The following PTPN9 variants were observed in gnomAD, a reference collection of about 807,000 sequenced individuals.
PTPN9 encodes tyrosine-protein phosphatase non-receptor type 9.
Under a neutral mutation model 69.8 loss-of-function variants are expected in PTPN9, and 26 were observed. That is an observed-to-expected ratio of 0.37 (90% CI 0.27 to 0.52). The LOEUF (loss-of-function observed/expected upper bound fraction) is 0.52. Among genes scored for constraint, PTPN9 ranks in the 20% least tolerant of loss-of-function variants. The pLI is 0.91. For missense variants in PTPN9, 549 were observed against 740.3 expected, an observed-to-expected ratio of 0.74 and a Z score of 3.00; for synonymous variants, 274 against 272.5, an observed-to-expected ratio of 1.01 and a Z score of -0.05.
chr15:75,525,620 T>G (rs956060823), intron 2 of PTPN9, among the ~76,000 whole-genome samples: 2 of 151,678 alleles, frequency 1.3e-5, no homozygotes, highest in African/African-American at 2.4e-5. Context: ...ATCAACCGCT[T>G]GTTTTAAACC....
intron 3 of PTPN9, among the ~76,000 whole-genome samples, 153 bp from the exon 4 acceptor site, chr15:75,523,398 G>A (rs2074913600): frequency 1.3e-5 from 2 of 152,134 alleles, no homozygotes; most frequent in Admixed American, 6.5e-5. Context: ...AAAGGGAAGA[G>A]TGTTAATATC....
chr15:75,515,108 A>C (rs1187316334), intron 5 of PTPN9, among the ~76,000 whole-genome samples: 1 of 152,164 alleles, frequency 6.6e-6, no homozygotes, highest in African/African-American at 2.4e-5. Context: ...TTAGTAGGAG[A>C]GCAGGGTGAG....
intron 8 of PTPN9, among the ~76,000 whole-genome samples, chr15:75,488,422 GA>G (rs1409927346): frequency 2.0e-5 from 3 of 150,800 alleles, no homozygotes; most frequent in Admixed American, 1.3e-4. Flanking sequence ...TATCAGAAGG[GA>G]AAAAAAGGAA....
At chr15:75,512,441 C>T (rs2074849706) in intron 5 of PTPN9, among the ~76,000 whole-genome samples, 1 of 152,090 alleles carries the variant, frequency 6.6e-6, no homozygotes, top group Non-Finnish European at 1.5e-5. Context: ...AATTCTCCCA[C>T]CTCAGCCTCC....
intron 8 of PTPN9, among the ~76,000 whole-genome samples, chr15:75,484,161 C>T (rs1477307831): frequency 1.3e-5 from 2 of 152,108 alleles, no homozygotes; most frequent in Non-Finnish European, 2.9e-5. Flanking sequence ...TAGTAACTGC[C>T]CTAGTGACAT....
rs1300966702 is a variant in PTPN9, at chr15:75,527,308, TTATGGAG to T, written c.64-54_64-48del. On this transcript the variant is annotated intron_variant, in intron 1 of 12. Coordinates refer to ENST00000618819, the MANE Select transcript of PTPN9 (RefSeq NM_002833.4). ...AATAATTAGTAAGAAGAGAGCATAT[TTATGGAG>T]TCAAAAAACAAACAAGTGAAAACTA... The T allele has an allele frequency of 5.6e-6, 9 of 1,598,710 alleles. No individual in the cohort carries two copies. The African/African-American group carries it at 1.2e-4, about 21-fold the overall frequency.
chr15:75,552,167 G>C (rs1272197971), intron 1 of PTPN9, among the ~76,000 whole-genome samples: 2 of 152,218 alleles, frequency 1.3e-5, no homozygotes, highest in East Asian at 3.9e-4. Context: ...GGGAGGCCGA[G>C]GTGGGTGGAT....
chr15:75,574,276 T>A (rs1464276481), intron 1 of PTPN9, among the ~76,000 whole-genome samples: 4 of 138,384 alleles, frequency 2.9e-5, no homozygotes, highest in Non-Finnish European at 6.2e-5. Flanking sequence ...CAAAGTGAGA[T>A]CCTGTCTCCA....
At chr15:75,504,644 G>C (rs2074804919) in intron 7 of PTPN9, among the ~76,000 whole-genome samples, 1 of 142,230 alleles carries the variant, frequency 7.0e-6, no homozygotes, top group Non-Finnish European at 1.5e-5. Context: ...GGAGGTGGGG[G>C]GGTCAGCCCC....
chr15:75,558,120 G>A (rs1034326653), intron 1 of PTPN9, among the ~76,000 whole-genome samples: 4 of 152,186 alleles, frequency 2.6e-5, no homozygotes, highest in Non-Finnish European at 5.9e-5. Flanking sequence ...ACGAGGTCGA[G>A]AAATCAAGAC....
At chr15:75,489,635 G>A (rs2074698333) in intron 8 of PTPN9, among the ~76,000 whole-genome samples, 1 of 152,058 alleles carries the variant, frequency 6.6e-6, no homozygotes, top group South Asian at 2.1e-4. Context: ...AAAGTTAAAG[G>A]TGTATGTAAA....
intron 1 of PTPN9, among the ~76,000 whole-genome samples, chr15:75,541,072 G>T (rs2075006385): frequency 1.3e-5 from 2 of 151,718 alleles, no homozygotes; most frequent in Admixed American, 1.3e-4. Flanking sequence ...GTGAAACCCT[G>T]TCTCAAAAAA....
At position 75,508,087 on chromosome 15, in the gene PTPN9, G is replaced by A. The variant is rs993384075; in HGVS notation, c.639+830C>T. Among the ~76,000 whole-genome samples, 16 of 149,934 alleles carry A rather than the reference G, an allele frequency of 1.1e-4. No individual in the cohort carries two copies. In the Middle Eastern group the frequency reaches 0.01, roughly 98 times the overall value. On this transcript the variant is annotated intron_variant, in intron 6 of 12. Transcript: ENST00000618819. ...AAAGAAAAGCTCTCTCCTACTCTGCGTCATTAGGTCTCTAAGCAGCTTCCA... is the reference window on the plus strand; with the variant it reads ...AAAGAAAAGCTCTCTCCTACTCTGCATCATTAGGTCTCTAAGCAGCTTCCA...
In PTPN9 at chr15:75,525,051, T is replaced by C. The variant is rs757783398; in HGVS notation, c.208-753A>G. 1.6e-4 allele frequency among the ~76,000 whole-genome samples: 24 copies of C among 152,210 alleles called. No homozygotes were observed. The Middle Eastern group carries it at 0.01, about 65-fold the overall frequency. ...GACATGGTACCAGGACACTAAAATA[T>C]GGACCTCAAAAATGTCTGGATGCCT... On this transcript the variant is annotated intron_variant, in intron 2 of 12. Transcript: ENST00000618819.
Position 75,505,910 on chromosome 15 carries a change from T to G in PTPN9, c.733A>C (p.Thr245Pro). The G allele has an allele frequency of 6.2e-7, 1 of 1,614,020 alleles. No individual in the cohort carries two copies. Among genetic ancestry groups the G allele is most frequent in the Middle Eastern group, 1.6e-4 (1 of 6,062 alleles). Residue 245 changes from threonine to proline, a missense_variant, in exon 7 of 13, where the codon ACT becomes CCT. Physicochemically the swap from Thr to Pro is conservative, Grantham distance 38. Transcript: ENST00000618819. Reference sequence around the variant, plus strand: ...TGGGGTAGGAACTGGAAATTCCAAGTGGCGAGATCAATTTTGACGTACCCA... The same window carrying G: ...TGGGGTAGGAACTGGAAATTCCAAGGGGCGAGATCAATTTTGACGTACCCA... ...LGGYVKIDLA[T>P]WNFQFLPQVN... is the part of the protein sequence containing the mutation.
At chr15:75,485,354 C>CTTTTTT (rs891447336) in intron 8 of PTPN9, among the ~76,000 whole-genome samples, 115 of 78,764 alleles carry the variant, frequency 1.5e-3, no homozygotes, top group African/African-American at 2.4e-3. Context: ...ATTGTCACTT[C>CTTTTTT]TTTTTTTTTT....
intron 1 of PTPN9, among the ~76,000 whole-genome samples, chr15:75,563,255 C>G (rs2075112514): frequency 6.6e-6 from 1 of 152,042 alleles, no homozygotes; most frequent in African/African-American, 2.4e-5. Context: ...GTGGTGTAAT[C>G]TCGGCTCACT....
rs559715823 is a variant in PTPN9 at position 75,556,740 on chromosome 15, T to C, written c.63+21974A>G. Among the ~76,000 whole-genome samples, 5 of 152,346 alleles carry C rather than the reference T, an allele frequency of 3.3e-5. No homozygotes were observed. The South Asian group carries it at 6.2e-4, about 19-fold the overall frequency. ...TTATCATTTTTACTATTCCTAAATA[T>C]GCAATTCAGTTGCATTAAATAAATT... On this transcript the variant is annotated intron_variant, in intron 1 of 12. Transcript: ENST00000618819.
At chr15:75,570,815 G>C (rs1359488408) in intron 1 of PTPN9, among the ~76,000 whole-genome samples, 2 of 151,852 alleles carry the variant, frequency 1.3e-5, no homozygotes, top group Non-Finnish European at 2.9e-5. Context: ...ATTAGAATAG[G>C]CTTTTAAAAA....
Sources: gnomAD v4.1 joint callset for allele counts (sites outside exome capture counted in the v4.1 genomes callset) on GRCh38, gnomAD v4.1.1 for gene constraint, MANE v1.5 for transcripts, NCBI Gene and HGNC (gene_info 2026-07-23, HGNC 2026-07-21) for gene names.